TPRA1: variants seen among roughly 807,000 people sequenced by gnomAD.
TPRA1 encodes the protein transmembrane protein adipocyte-associated 1.
Under a neutral mutation model 40.1 loss-of-function variants are expected in TPRA1, and 28 were observed. The observed-to-expected ratio is 0.70, with a 90% CI of 0.52 to 0.96. The LOEUF is 0.96. Ranked by LOEUF, TPRA1 falls within the 40% of genes least tolerant of loss-of-function variation. The probability of loss-of-function intolerance (pLI) is 0.00; values close to 1 mark genes in which losing one functional copy is unlikely to be tolerated. For synonymous variants in TPRA1, 219 were observed against 209.7 expected, an observed-to-expected ratio of 1.04 and a Z score of -0.38; for missense variants, 441 against 482.6, an observed-to-expected ratio of 0.91 and a Z score of 0.81.
chr3:127,591,026 C>T (rs2074157662), upstream of TPRA1: 1 of 152,232 alleles, frequency 6.6e-6, no homozygotes, highest in South Asian at 2.1e-4. Context: ...ACGCGCCTTC[C>T]AGCTGGCAGC....
Position 127,572,339 on chromosome 3 carries a change from G to A in TPRA1, c.*1182C>T, listed in dbSNP as rs1342504737. Reference sequence around the variant, plus strand: ...TGAAGCATGCAGTTGGCTGTGTCCTGGATGGGCTCCTCCTCTCCAACTCTG... The same window carrying A: ...TGAAGCATGCAGTTGGCTGTGTCCTAGATGGGCTCCTCCTCTCCAACTCTG... On this transcript the variant is annotated 3_prime_UTR_variant, in exon 11 of 11. Transcript: ENST00000355552. Among the ~76,000 whole-genome samples the A allele has an allele frequency of 1.3e-5, 2 of 152,238 alleles. No homozygotes were observed. Among genetic ancestry groups the A allele is most frequent in the Non-Finnish European group, 2.9e-5 (2 of 68,040 alleles).
intron 10 of TPRA1, 83 bp downstream of exon 10, chr3:127,575,102 C>A: frequency 2.0e-6 from 3 of 1,481,186 alleles, no homozygotes; most frequent in Non-Finnish European, 1.9e-6. Flanking sequence ...CACAGCCTCT[C>A]AGCTTCAATC....
chr3:127,585,063 G>A lies in TPRA1; in HGVS notation c.-17-4900C>T, dbSNP rs187639830. Among the ~76,000 whole-genome samples, 33 of 152,248 alleles carry A rather than the reference G, an allele frequency of 2.2e-4. 2 individuals are homozygous for A. The highest frequency in any genetic ancestry group is 1.8e-3 in the Admixed American group (28 of 15,288). Reference sequence around the variant, plus strand: ...CATGTACTGGACAGCTTGCACAGAGGCTGCCTGCATAGATAAAAATAATCT... The same window carrying A: ...CATGTACTGGACAGCTTGCACAGAGACTGCCTGCATAGATAAAAATAATCT... On this transcript the variant is annotated intron_variant, in intron 1 of 10. Transcript: ENST00000355552.
chr3:127,577,127 C>G, intron 3 of TPRA1, 51 bp from the exon 4 acceptor site: 2 of 1,577,074 alleles, frequency 1.3e-6, no homozygotes, highest in South Asian at 2.2e-5. Flanking sequence ...GCCTCTGCAT[C>G]GGCAGGGGCA....
chr3:127,586,414 A>G (rs1190035220), intron 1 of TPRA1, among the ~76,000 whole-genome samples: 2 of 152,198 alleles, frequency 1.3e-5, no homozygotes, highest in Non-Finnish European at 2.9e-5. Flanking sequence ...GTGCAATCTC[A>G]GCTCACTGCA....
rs1417407542 is a variant in TPRA1 at position 127,571,594 on chromosome 3, A to C, written c.*1927T>G. The C allele has an allele frequency of 6.6e-6, 1 of 152,324 alleles. No homozygotes were observed. The highest frequency in any genetic ancestry group is 2.1e-4 in the South Asian group (1 of 4,828). 9.4% of individuals were successfully genotyped at this position (152,324 alleles called of 1,614,324 possible). ...TCCACTTGACATGGAATGATCTCCA[A>C]GATCCATTGGAGTGAGCTACAGGAC... is the stretch of plus-strand genomic sequence containing the variant. On this transcript the variant is annotated 3_prime_UTR_variant, in exon 11 of 11. Transcript: ENST00000355552.
intron 1 of TPRA1, among the ~76,000 whole-genome samples, chr3:127,584,605 A>G (rs2073945161): frequency 6.6e-6 from 1 of 152,074 alleles, no homozygotes; most frequent in African/African-American, 2.4e-5. Context: ...GATGGAACCA[A>G]TGGAGTTTAG....
chr3:127,586,260 A>C (rs1187064293), intron 1 of TPRA1, among the ~76,000 whole-genome samples: 1 of 152,242 alleles, frequency 6.6e-6, no homozygotes, highest in Non-Finnish European at 1.5e-5. Flanking sequence ...GCATGAGATA[A>C]TAACTTGTAA....
chr3:127,579,028 G>A (rs1284243583), intron 3 of TPRA1, among the ~76,000 whole-genome samples: 1 of 151,358 alleles, frequency 6.6e-6, no homozygotes, highest in African/African-American at 2.5e-5. Context: ...GCCCACACCT[G>A]AAGCCCACAC....
At chr3:127,596,623 T>C (rs775286911) in intron 1 of TPRA1, among the ~76,000 whole-genome samples, 24 of 152,146 alleles carry the variant, frequency 1.6e-4, no homozygotes, top group Non-Finnish European at 2.5e-4. Context: ...TTGAGTCCCA[T>C]ACATGGATAT....
Position 127,597,774 on chromosome 3 carries a change from A to G in TPRA1, c.-391+233T>C, listed in dbSNP as rs148380714. Among the ~76,000 whole-genome samples the G allele has an allele frequency of 2.6e-5, 4 of 152,072 alleles. No individual in the cohort carries two copies. In the East Asian group the frequency reaches 7.7e-4, roughly 29 times the overall value. On this transcript the variant is annotated intron_variant, in intron 1 of 3. Transcript: ENST00000462228. ...TAAACCATTGTGCTCCTAAGACGGTAAGAAGCGTCAGAAAACCAGGCTCTG... is the reference window on the plus strand; with the variant it reads ...TAAACCATTGTGCTCCTAAGACGGTGAGAAGCGTCAGAAAACCAGGCTCTG...
Position 127,576,848 on chromosome 3 carries a change from T to A in TPRA1, c.391A>T (p.Ser131Cys), listed in dbSNP as rs758388311. The A allele has an allele frequency of 4.3e-6, 7 of 1,613,576 alleles. No individual in the cohort carries two copies. The highest frequency in any genetic ancestry group is 5.1e-6 in the Non-Finnish European group (6 of 1,180,000). Residue 131 changes from serine to cysteine, a missense_variant, in exon 5 of 11, where the codon AGT becomes TGT. Ser to Cys is a moderately radical substitution (Grantham distance 112). Coordinates refer to ENST00000355552, the MANE Select transcript of TPRA1 (RefSeq NM_001136053.4). This position sits in a 1 kb window ranked among gnomAD's most constrained non-coding sequence, Gnocchi z 4.6. ...TRFFLLAIEL[S>C]VIILGLAFGH... ...AAGGCCAGGCCCAGGATGATCACAC[T>A]CAGCTCGATGGCCAGCAGGAAGAAG...
Position 127,575,502 on chromosome 3 carries a change from C to G in TPRA1, c.674G>C (p.Arg225Pro). The part of the protein sequence containing the change: ...PLKERISLPS[R>P]RSFYVYAGIL... ...GCCCGCATACACGTAGAAGCTCCTC[C>G]GAGCTGGGGGCCGGACAGGGTGGGT... The change falls in exon 9 of 11, where the codon CGG becomes CCG. Residue 225 changes from arginine (R) to proline (P), a missense_variant. Transcript: ENST00000355552. 6.4e-7 allele frequency: 1 copy of G among 1,568,344 alleles called. No individual in the cohort carries two copies. The highest frequency in any genetic ancestry group is 1.4e-5 in the African/African-American group (1 of 73,762).
At chr3:127,574,129 C>T (rs754572466) in intron 10 of TPRA1, among the ~76,000 whole-genome samples, 25 of 152,338 alleles carry the variant, frequency 1.6e-4, no homozygotes, top group South Asian at 4.1e-4. Context: ...CTGTGGCCTC[C>T]GCCCCCACTC....
intron 3 of TPRA1, among the ~76,000 whole-genome samples, chr3:127,579,290 C>A (rs965310644): frequency 6.6e-6 from 1 of 152,222 alleles, no homozygotes; most frequent in African/African-American, 2.4e-5. Context: ...CCATTCCCCT[C>A]CCCTCTAGTA....
At position 127,572,783 on chromosome 3, in the gene TPRA1, AGAC is replaced by A. The variant is rs1228231042; in HGVS notation, c.*735_*737del. Among the ~76,000 whole-genome samples, 5 of 152,212 alleles carry A rather than the reference AGAC, an allele frequency of 3.3e-5. No homozygotes were observed. The highest frequency in any genetic ancestry group is 7.3e-5 in the Non-Finnish European group (5 of 68,036). ...CTGAGCAGAGAGAACCGGCTGCCCA[AGAC>A]AACAGTGTGTGTCTGACAAAGGGAG... On this transcript the variant is annotated 3_prime_UTR_variant, in exon 11 of 11. Transcript: ENST00000355552.
chr3:127,576,104 C>G lies in TPRA1; in HGVS notation c.499-54G>C. The stretch of plus-strand genomic sequence containing the variant: ...GGAGAGGATCTCAAGGCTTCTCTCT[C>G]CCAGGGGCTTTCCCTGATGCAAAGC... On this transcript the variant is annotated intron_variant, in intron 6 of 10. Transcript: ENST00000355552. This position sits in a 1 kb window ranked among gnomAD's most constrained non-coding sequence, Gnocchi z 4.6. The G allele has an allele frequency of 7.0e-7, 1 of 1,430,024 alleles. No homozygotes were observed. The highest frequency in any genetic ancestry group is 1.2e-5 in the South Asian group (1 of 85,298). The allele number at this position is 1,430,024 out of a possible 1,614,324, so 88.6% of individuals were successfully genotyped here.
At chr3:127,574,843 TTCA>T (rs1005126926) in intron 10 of TPRA1, 51 of 383,384 alleles carry the variant, frequency 1.3e-4, no homozygotes, top group East Asian at 1.2e-3. Flanking sequence ...TGAGCACGTG[TTCA>T]TGTGTGTATG....
chr3:127,592,383 T>G (rs898848691), upstream of TPRA1, among the ~76,000 whole-genome samples: 28 of 141,276 alleles, frequency 2.0e-4, 1 homozygote, highest in Non-Finnish European at 3.1e-4. Flanking sequence ...TTTTTTTTTT[T>G]TTTTTTTTTT....
Sources: gnomAD v4.1 joint callset for allele counts (sites outside exome capture counted in the v4.1 genomes callset) on GRCh38, gnomAD v4.1.1 for gene constraint, Gnocchi (gnomAD v3.1) non-coding constraint, MANE v1.5 for transcripts, NCBI Gene and HGNC (gene_info 2026-07-23, HGNC 2026-07-21) for gene names.